The following PCCA variants were observed in gnomAD, a reference collection of about 807,000 sequenced individuals.
PCCA encodes the protein propionyl-CoA carboxylase subunit alpha, also known as propionyl-CoA carboxylase alpha chain, mitochondrial.
Under a neutral mutation model 101.3 loss-of-function variants are expected in PCCA, and 74 were observed. The ratio of observed to expected loss-of-function variants is 0.73; its 90% CI spans 0.61 to 0.89. The LOEUF (loss-of-function observed/expected upper bound fraction) is 0.89, where lower values mean the gene tolerates loss of function less well. Among genes scored for constraint, PCCA ranks in the 40% least tolerant of loss-of-function variants. PCCA has a pLI of 0.00. For missense variants in PCCA, 891 were observed against 907.0 expected, an observed-to-expected ratio of 0.98 and a Z score of 0.23; for synonymous variants, 294 against 313.6, an observed-to-expected ratio of 0.94 and a Z score of 0.66.
At chr13:100,436,122 C>G (rs763729679) in intron 20 of PCCA, among the ~76,000 whole-genome samples, 2 of 152,012 alleles carry the variant, frequency 1.3e-5, no homozygotes, top group Non-Finnish European at 2.9e-5. Context: ...AGCAGTGGCT[C>G]AAGGGCCCGG....
rs1488658593 is a variant in PCCA, at chr13:100,495,669, A to G, written c.1900-19758A>G. Among the ~76,000 whole-genome samples, 3 of 152,328 alleles carry G rather than the reference A, an allele frequency of 2.0e-5. No individual in the cohort carries two copies. The East Asian group carries it at 5.8e-4, about 29-fold the overall frequency. ...GTGTCAGCACCCTGGAATTGTGCCAACTTCCAATTATCACTCTGTGTAACC... is the reference window on the plus strand; with the variant it reads ...GTGTCAGCACCCTGGAATTGTGCCAGCTTCCAATTATCACTCTGTGTAACC... On this transcript the variant is annotated intron_variant, in intron 21 of 23. Coordinates refer to ENST00000376285, the MANE Select transcript of PCCA (RefSeq NM_000282.4).
rs1245680360 is a variant in PCCA at position 100,194,710 on chromosome 13, C to T, written c.469-14622C>T. Among the ~76,000 whole-genome samples the T allele has an allele frequency of 3.9e-5, 6 of 152,178 alleles. No homozygotes were observed. In the South Asian group the frequency reaches 6.2e-4, roughly 16 times the overall value. On this transcript the variant is annotated intron_variant, in intron 6 of 23. Transcript: ENST00000376285. ...CTGGGATTACAGGCGTGAGCCACTG[C>T]GCCCGGCCGTAAAATTAAATTTAAT... is the stretch of plus-strand genomic sequence containing the variant.
intron 19 of PCCA, among the ~76,000 whole-genome samples, chr13:100,400,864 G>A (rs1039062276): frequency 1.3e-5 from 2 of 152,006 alleles, no homozygotes; most frequent in Non-Finnish European, 2.9e-5. Flanking sequence ...GATCTCAGGT[G>A]ATCCACCTAC....
intron 8 of PCCA, among the ~76,000 whole-genome samples, chr13:100,241,324 C>G (rs1198070355): frequency 6.6e-6 from 1 of 152,080 alleles, no homozygotes; most frequent in Non-Finnish European, 1.5e-5. Context: ...GGGGATATTT[C>G]ATATAAATAA....
In PCCA at chr13:100,368,557, A is replaced by G. The variant is rs1475268855; in HGVS notation, c.1729A>G (p.Asn577Asp). The change falls in exon 19 of 24, where the codon AAT becomes GAT. Residue 577 changes from asparagine to aspartate, a missense_variant. Asn to Asp is a conservative substitution (Grantham distance 23). Transcript: ENST00000376285. ...AGTTCATACCGTAGTAGCATCAAAC[A>G]ATGGGTCAGTGTTCTCGGTGAGTTT... Reference protein sequence around the residue: ...DKVHTVVASNNGSVFSVEVDG... With the variant: ...DKVHTVVASNDGSVFSVEVDG... The G allele has an allele frequency of 6.9e-6, 11 of 1,600,248 alleles. No individual in the cohort carries two copies. The highest frequency in any genetic ancestry group is 6.6e-5 in the South Asian group (6 of 90,734).
intron 7 of PCCA, among the ~76,000 whole-genome samples, chr13:100,209,784 A>C (rs564282354): frequency 1.3e-5 from 2 of 152,022 alleles, no homozygotes; most frequent in Admixed American, 1.3e-4. Context: ...GGTGCCTGCC[A>C]CCATGCCCAG....
chr13:100,329,538 C>T (rs374919779), intron 16 of PCCA, among the ~76,000 whole-genome samples: 2 of 152,082 alleles, frequency 1.3e-5, no homozygotes, highest in African/African-American at 2.4e-5. Flanking sequence ...ATTCTACAGT[C>T]GTTTGGCATT....
At chr13:100,429,793 G>A (rs1021169808) in intron 20 of PCCA, among the ~76,000 whole-genome samples, 13 of 151,842 alleles carry the variant, frequency 8.6e-5, no homozygotes, top group South Asian at 4.2e-4. Context: ...TTTTAGTAGA[G>A]ATGAGGTTTC....
intron 21 of PCCA, among the ~76,000 whole-genome samples, chr13:100,499,578 C>T (rs1038947060): frequency 4.6e-5 from 7 of 152,178 alleles, no homozygotes; most frequent in Admixed American, 6.5e-5. Flanking sequence ...CTTATTAAGG[C>T]GGTTCCAGCC....
chr13:100,183,825 C>G (rs571739062), intron 6 of PCCA, among the ~76,000 whole-genome samples: 10 of 152,214 alleles, frequency 6.6e-5, no homozygotes, highest in Non-Finnish European at 1.5e-4. Context: ...TTCAAGCTTT[C>G]CAGAAAACCC....
chr13:100,264,790 A>T (rs940221039), intron 10 of PCCA, among the ~76,000 whole-genome samples: 2 of 152,160 alleles, frequency 1.3e-5, no homozygotes, highest in African/African-American at 4.8e-5. Flanking sequence ...GGTTGTGCTA[A>T]TGTATACTCC....
intron 4 of PCCA, among the ~76,000 whole-genome samples, chr13:100,148,139 G>C (rs1343002444): frequency 6.6e-6 from 1 of 152,006 alleles, no homozygotes; most frequent in Non-Finnish European, 1.5e-5. Context: ...TGTTAGCCAG[G>C]ATGGAGTGCA....
chr13:100,378,853 TG>T (rs956761335), intron 19 of PCCA, among the ~76,000 whole-genome samples: 3 of 152,182 alleles, frequency 2.0e-5, no homozygotes, highest in Non-Finnish European at 4.4e-5. Flanking sequence ...TTTTTTGTGT[TG>T]TTTTTCAGAT....
intron 21 of PCCA, among the ~76,000 whole-genome samples, chr13:100,514,729 T>C (rs1479953043): frequency 6.6e-6 from 1 of 152,212 alleles, no homozygotes; most frequent in Non-Finnish European, 1.5e-5. Flanking sequence ...TGTGCGTATT[T>C]TCCATCAGTG....
chr13:100,205,333 G>T (rs888490988), intron 6 of PCCA, among the ~76,000 whole-genome samples: 2 of 152,134 alleles, frequency 1.3e-5, no homozygotes, highest in African/African-American at 4.8e-5. Flanking sequence ...TTTGGTTACA[G>T]ATTTATGGGA....
chr13:100,510,756 T>C (rs1321958329), intron 21 of PCCA, among the ~76,000 whole-genome samples: 1 of 152,196 alleles, frequency 6.6e-6, no homozygotes, highest in Non-Finnish European at 1.5e-5. Flanking sequence ...GTCCTCCGAG[T>C]GCTGTTGGAT....
intron 4 of PCCA, among the ~76,000 whole-genome samples, chr13:100,152,486 G>A (rs533362251): frequency 6.6e-6 from 1 of 151,416 alleles, no homozygotes; most frequent in African/African-American, 2.4e-5. Context: ...TCACTCTGTT[G>A]CCCAGGCTGG....
At chr13:100,461,771 G>A (rs1372016053) in intron 21 of PCCA, among the ~76,000 whole-genome samples, 1 of 152,214 alleles carries the variant, frequency 6.6e-6, no homozygotes, top group Non-Finnish European at 1.5e-5. Context: ...TGCTTGTGCT[G>A]TGGTTTGGTG....
chr13:100,379,218 C>A (rs1162409590), intron 19 of PCCA, among the ~76,000 whole-genome samples: 1 of 151,902 alleles, frequency 6.6e-6, no homozygotes, highest in Non-Finnish European at 1.5e-5. Flanking sequence ...TCGGTGGTAT[C>A]TGTGATTTCT....
Sources: allele counts gnomAD v4.1 joint callset (sites outside exome capture counted in the v4.1 genomes callset), GRCh38; gene constraint gnomAD v4.1.1; transcripts MANE v1.5; gene names NCBI Gene and HGNC (gene_info 2026-07-23, HGNC 2026-07-21).